The following SPTBN5 variants were observed in gnomAD, a reference collection of about 807,000 sequenced individuals.
The protein encoded by SPTBN5 is spectrin beta, non-erythrocytic 5, also known as spectrin beta chain, non-erythrocytic 5.
SPTBN5 carries 513 observed loss-of-function variants against 477.6 expected under a neutral mutation model. That is an observed-to-expected ratio of 1.07 (90% confidence interval 1.00 to 1.16). SPTBN5 has a LOEUF of 1.16. Ranked by LOEUF, SPTBN5 falls within the 50% of genes most tolerant of loss-of-function variation. The probability of loss-of-function intolerance (pLI) is 0.00; values close to 1 mark genes in which losing one functional copy is unlikely to be tolerated. For missense variants in SPTBN5, 5,062 were observed against 4,731.8 expected, an observed-to-expected ratio of 1.07 and a Z score of -2.05; for synonymous variants, 2,169 against 2,011.7, an observed-to-expected ratio of 1.08 and a Z score of -2.09.
rs145964350 is a variant in SPTBN5 at position 41,852,367 on chromosome 15, C to T, written c.10450-51G>A. On this transcript the variant is annotated intron_variant, in intron 61 of 67. Coordinates refer to ENST00000320955, the MANE Select transcript of SPTBN5 (RefSeq NM_016642.4). ...GGTGAGCCAGGTCAGGGAGACCAGC[C>T]ACACCTCAGGTTCCCGTCTACCTCC... 1,132 of 1,511,956 alleles carry T rather than the reference C, an allele frequency of 7.5e-4. 12 individuals carry two copies. In the East Asian group the frequency reaches 0.025, roughly 34 times the overall value. 93.7% of individuals were successfully genotyped at this position (1,511,956 alleles called of 1,614,324 possible). A position where few individuals can be genotyped will look rare whatever the true frequency, so the allele number is the denominator to read the frequency against.
Position 41,893,944 on chromosome 15 carries a change from G to A in SPTBN5, c.-95C>T. Reference sequence around the variant, plus strand: ...ACAGAGGCGGCCCAGCTGGACGGATGGAGATGGCAGATAGCAGGGGCTGTG... The same window carrying A: ...ACAGAGGCGGCCCAGCTGGACGGATAGAGATGGCAGATAGCAGGGGCTGTG... On this transcript the variant is annotated 5_prime_UTR_variant, in exon 1 of 68. Coordinates refer to ENST00000320955, the MANE Select transcript of SPTBN5 (RefSeq NM_016642.4). The A allele has an allele frequency of 4.7e-6, 1 of 211,378 alleles. No homozygotes were observed. The highest frequency in any genetic ancestry group is 9.7e-6 in the Non-Finnish European group (1 of 103,514). The allele number at this position is 211,378 out of a possible 1,614,324, so 13.1% of individuals were successfully genotyped here.
At chr15:41,870,417 C>A in intron 30 of SPTBN5, 29 bp downstream of exon 30, 1 of 1,611,396 alleles carries the variant, frequency 6.2e-7, no homozygotes, top group Non-Finnish European at 8.5e-7. Flanking sequence ...TGGAGTGTAT[C>A]CACTTCTAGC....
At position 41,849,577 on chromosome 15, in the gene SPTBN5, C is replaced by T. The variant is rs565628456; in HGVS notation, c.11012+292G>A. 7.2e-5 allele frequency among the ~76,000 whole-genome samples: 11 copies of T among 152,184 alleles called. No homozygotes were observed. The East Asian group carries it at 1.7e-3, about 24-fold the overall frequency. Reference sequence around the variant, plus strand: ...CCTGGCTGCTCCTCCCACAAGCAGCCGAGCAGGAAGGGCACAGGGAGCCTG... The same window carrying T: ...CCTGGCTGCTCCTCCCACAAGCAGCTGAGCAGGAAGGGCACAGGGAGCCTG... On this transcript the variant is annotated intron_variant, in intron 67 of 67. Coordinates refer to ENST00000320955, the MANE Select transcript of SPTBN5 (RefSeq NM_016642.4).
chr15:41,874,248 G>A (rs374675499), intron 24 of SPTBN5, 44 bp downstream of exon 24: 2 of 1,576,550 alleles, frequency 1.3e-6, no homozygotes, highest in African/African-American at 2.7e-5. Context: ...CTAAGGTCTG[G>A]GAAGCGGATG....
chr15:41,863,817 A>C lies in SPTBN5; in HGVS notation c.7036T>G (p.Trp2346Gly), dbSNP rs2066204123. 1 of 1,613,796 alleles carries C rather than the reference A, an allele frequency of 6.2e-7. No homozygotes were observed. Among genetic ancestry groups the C allele is most frequent in the Admixed American group, 1.7e-5 (1 of 60,032 alleles). ...AGCAAGTTGCCATGGAAACTCGCCC[A>C]CCTGGCCAAGGGGTGGTGGTGTCAT... is the stretch of plus-strand genomic sequence containing the variant. ...CQRRSQLNNR[W>G]ASFHGNLLRY... The change falls in exon 41 of 68, where the codon TGG (tryptophan) becomes GGG (glycine). Residue 2346 changes from tryptophan to glycine, a missense_variant and splice_region_variant. Coordinates refer to ENST00000320955, the MANE Select transcript of SPTBN5 (RefSeq NM_016642.4).
In SPTBN5 at chr15:41,885,831, C is replaced by G; in HGVS notation, c.1424G>C (p.Gly475Ala). 3 of 1,559,432 alleles carry G rather than the reference C, an allele frequency of 1.9e-6. No homozygotes were observed. The South Asian group carries it at 3.5e-5, about 18-fold the overall frequency. The change falls in exon 7 of 68, where the codon GGC becomes GCC. Residue 475 changes from glycine (G) to alanine (A), a missense_variant. Transcript: ENST00000320955. ...AVQRLGMLEA[G>A]ILPQEGRFQA... is the part of the protein sequence containing the mutation. ...GAAGCGCCCCTCCTGGGGCAGGATG[C>G]CAGCCTCCAGCATGCCCAGCCTCTG...
At chr15:41,857,125 T>C (rs2065947851) in intron 51 of SPTBN5, 86 bp from the exon 52 acceptor site, 1 of 1,516,972 alleles carries the variant, frequency 6.6e-7, no homozygotes, top group Admixed American at 2.0e-5. Flanking sequence ...CACCCAGCTG[T>C]GGCCCTCACC....
intron 62 of SPTBN5, 107 bp downstream of exon 62, chr15:41,852,075 C>G: frequency 7.1e-7 from 1 of 1,408,454 alleles, no homozygotes; most frequent in Non-Finnish European, 9.6e-7. Context: ...GCCCGGGCTC[C>G]CAGCACTGGC....
chr15:41,852,251 T>A lies in SPTBN5; in HGVS notation c.10515A>T (p.Thr3505=), dbSNP rs776813313. Reference sequence around the variant, plus strand: ...GTCCAGAGGGCCTCCACTGAAAGGATGTCAGCGAGCTGCCAGCTCTCCCGG... The same window carrying A: ...GTCCAGAGGGCCTCCACTGAAAGGAAGTCAGCGAGCTGCCAGCTCTCCCGG... ...LKPGRAGSSL[T]SFQWRPSGHQ... is the part of the protein sequence containing the mutation. Residue 3505 remains threonine (T), a synonymous_variant, in exon 62 of 68, where the codon ACA becomes ACT. Coordinates refer to ENST00000320955, the MANE Select transcript of SPTBN5 (RefSeq NM_016642.4). 49 of 1,610,568 alleles carry A rather than the reference T, an allele frequency of 3.0e-5. No individual in the cohort carries two copies. The highest frequency in any genetic ancestry group is 4.1e-5 in the Non-Finnish European group (48 of 1,178,554).
At position 41,875,534 on chromosome 15, in the gene SPTBN5, A is replaced by G; in HGVS notation, c.4211T>C (p.Leu1404Ser). The change falls in exon 22 of 68, where the codon TTG becomes TCG. Residue 1404 changes from leucine to serine, a missense_variant. By Grantham distance (145) the Leu-to-Ser change is moderately radical. Coordinates refer to ENST00000320955, the MANE Select transcript of SPTBN5 (RefSeq NM_016642.4). ...CCCACGCTCAGTCATCTTGCGGTTCAAAGCTTCCCACTTGCTTCTCAGGCC... is the reference window on the plus strand; with the variant it reads ...CCCACGCTCAGTCATCTTGCGGTTCGAAGCTTCCCACTTGCTTCTCAGGCC... ...LQGLRSKWEA[L>S]NRKMTERGDE... 6.2e-7 allele frequency: 1 copy of G among 1,612,038 alleles called. No individual in the cohort carries two copies. The highest frequency in any genetic ancestry group is 1.1e-5 in the South Asian group (1 of 90,354).
rs758418182 is a variant in SPTBN5, at chr15:41,852,169, T to C, written c.10584+13A>G. On this transcript the variant is annotated intron_variant, in intron 62 of 67. Coordinates refer to ENST00000320955, the MANE Select transcript of SPTBN5 (RefSeq NM_016642.4). ...CACGGCGGGGGTGCCTGCAGCCCCA[T>C]AGGGACACCTGCCTGGGGGTCCCTC... is the stretch of plus-strand genomic sequence containing the variant. 1.8e-5 allele frequency: 29 copies of C among 1,579,074 alleles called. No individual in the cohort carries two copies. The highest frequency in any genetic ancestry group is 9.4e-5 in the African/African-American group (7 of 74,226).
At chr15:41,892,845 C>G (rs994144502) in intron 3 of SPTBN5, 49 bp downstream of exon 3, 1 of 1,528,148 alleles carries the variant, frequency 6.5e-7, no homozygotes, top group Non-Finnish European at 8.7e-7. Flanking sequence ...TCAGCCTGTC[C>G]CAGCTGCCTG....
In SPTBN5 at chr15:41,883,063, C is replaced by T; in HGVS notation, c.1825G>A (p.Val609Met). Reference protein sequence around the residue: ...LDSSLGTSVEVLQAKARTLAQ... With the variant: ...LDSSLGTSVEMLQAKARTLAQ... ...AGTGTCCTGGCCTTGGCCTGCAGCA[C>T]CTCCACACTGGTGCCCAGGGAGGAG... The change falls in exon 9 of 68, where the codon GTG becomes ATG. Residue 609 changes from valine (V) to methionine (M), a missense_variant. Val to Met is a conservative substitution (Grantham distance 21). Transcript: ENST00000320955. 6.3e-7 allele frequency: 1 copy of T among 1,584,854 alleles called. No homozygotes were observed. The highest frequency in any genetic ancestry group is 8.6e-7 in the Non-Finnish European group (1 of 1,166,180).
In SPTBN5 at chr15:41,876,132, G is replaced by A. The variant is rs373120448; in HGVS notation, c.4104C>T (p.His1368=). The change falls in exon 21 of 68, where the codon CAC becomes CAT. Residue 1368 remains histidine (H), a synonymous_variant. Transcript: ENST00000320955. ...CCCCCACCTGCTGCAGGGCCTCCACGTGTCTGCGGGTGGCGAGTAGCTCGC... is the reference window on the plus strand; with the variant it reads ...CCCCCACCTGCTGCAGGGCCTCCACATGTCTGCGGGTGGCGAGTAGCTCGC... ...AESELLATRR[H]VEALQQVGRE... 29 of 1,601,962 alleles carry A rather than the reference G, an allele frequency of 1.8e-5. No individual in the cohort carries two copies. The highest frequency in any genetic ancestry group is 4.5e-5 in the East Asian group (2 of 44,838).
chr15:41,885,605 A>G (rs2067122247), intron 7 of SPTBN5, 130 bp downstream of exon 7: 1 of 1,152,066 alleles, frequency 8.7e-7, no homozygotes, highest in African/African-American at 1.6e-5. Context: ...AGATCTTTGT[A>G]GAGGGATCCC....
In SPTBN5 at chr15:41,857,581, C is replaced by CCTTCTGGAGCTTGGCCACCTT; in HGVS notation, c.8335_8355dup (p.Lys2779_Lys2785dup). The CCTTCTGGAGCTTGGCCACCTT allele has an allele frequency of 1.2e-6, 2 of 1,609,582 alleles. No individual in the cohort carries two copies. Among genetic ancestry groups the CCTTCTGGAGCTTGGCCACCTT allele is most frequent in the Non-Finnish European group, 1.7e-6 (2 of 1,178,128 alleles). On this transcript the variant is annotated inframe_insertion, in exon 50 of 68. Coordinates refer to ENST00000320955, the MANE Select transcript of SPTBN5 (RefSeq NM_016642.4). The stretch of plus-strand genomic sequence containing the variant: ...GGCCTGCACAACCTCACCTCACAGG[C>CCTTCTGGAGCTTGGCCACCTT]CTTCTGGAGCTTGGCCACCTTCTTC...
Position 41,853,606 on chromosome 15 carries a change from A to G in SPTBN5, c.9956T>C (p.Phe3319Ser), listed in dbSNP as rs2140913098. 1.9e-6 allele frequency: 3 copies of G among 1,579,466 alleles called. No individual in the cohort carries two copies. The highest frequency in any genetic ancestry group is 2.6e-6 in the Non-Finnish European group (3 of 1,160,208). The change falls in exon 58 of 68, where the codon TTC (phenylalanine) becomes TCC (serine). Residue 3319 changes from phenylalanine (F) to serine (S), a missense_variant. Phe to Ser is a radical substitution (Grantham distance 155). Transcript: ENST00000320955. ...CAGCAGTTCCTGGCAGCGCCCGAGG[A>G]AGGCATGGCCCTGTGCAGCCTGCGC... ...WLAQAAQGHA[F>S]LGRCQELLAW...
chr15:41,873,419 G>T, intron 26 of SPTBN5, 73 bp downstream of exon 26: 1 of 1,144,418 alleles, frequency 8.7e-7, no homozygotes, highest in Non-Finnish European at 1.3e-6. Context: ...CTGAGAGAGG[G>T]AGGGTGACAG....
At chr15:41,891,544 C>T (rs543651396) in intron 3 of SPTBN5, among the ~76,000 whole-genome samples, 35 of 52,442 alleles carry the variant, frequency 6.7e-4, no homozygotes, top group Admixed American at 6.5e-3. Flanking sequence ...TTAAACTCAC[C>T]GTGATGGGGG....
Sources: allele counts gnomAD v4.1 joint callset (sites outside exome capture counted in the v4.1 genomes callset), GRCh38; gene constraint gnomAD v4.1.1; transcripts MANE v1.5; gene names NCBI Gene and HGNC (gene_info 2026-07-23, HGNC 2026-07-21).